Variants in KCNMA1 observed in about 807,000 individuals in gnomAD.
KCNMA1 encodes Calcium-activated potassium channel subunit alpha-1.
Under a neutral mutation model 140.0 loss-of-function variants are expected in KCNMA1, and 29 were observed. That is an observed-to-expected ratio of 0.21 (90% confidence interval 0.15 to 0.28). The LOEUF is 0.28. Among genes scored for constraint, KCNMA1 ranks in the 10% least tolerant of loss-of-function variants. KCNMA1 has a pLI of 1.00. For synonymous variants in KCNMA1, 612 were observed against 611.9 expected (o/e 1.00, Z 0.00); for missense variants, 880 against 1,602.2 (o/e 0.55, Z 7.70).
At chr10:77,545,906 G>A (rs2061368034) in intron 1 of KCNMA1, among the ~76,000 whole-genome samples, 1 of 152,100 alleles carries the variant, frequency 6.6e-6, no homozygotes, top group Non-Finnish European at 1.5e-5. Flanking sequence ...AATCCCCCCT[G>A]CAGTGTCCTT....
At chr10:77,134,729 T>C (rs1289644965) in intron 5 of KCNMA1, among the ~76,000 whole-genome samples, 1 of 152,004 alleles carries the variant, frequency 6.6e-6, no homozygotes, top group East Asian at 1.9e-4. Context: ...CGGGGCGCAG[T>C]GGCTCACGCC....
At chr10:77,229,745 CTATA>C (rs146102707) in intron 3 of KCNMA1, among the ~76,000 whole-genome samples, 1 of 148,258 alleles carries the variant, frequency 6.7e-6, no homozygotes, top group Non-Finnish European at 1.5e-5. Flanking sequence ...GGAGTAGTGG[CTATA>C]TATATATATA....
chr10:77,541,143 A>G (rs1052144274), intron 1 of KCNMA1, among the ~76,000 whole-genome samples: 1 of 152,176 alleles, frequency 6.6e-6, no homozygotes, highest in Admixed American at 6.5e-5. Context: ...AAAGAAACCC[A>G]AAATAAAACA....
At chr10:77,136,519 A>T (rs1319614403) in intron 5 of KCNMA1, among the ~76,000 whole-genome samples, 1 of 152,154 alleles carries the variant, frequency 6.6e-6, no homozygotes, top group Non-Finnish European at 1.5e-5. Flanking sequence ...TACACTAAAA[A>T]TAATTAAAAT....
intron 21 of KCNMA1, 126 bp downstream of exon 21, chr10:76,953,675 C>G: frequency 8.8e-7 from 1 of 1,130,402 alleles, no homozygotes; most frequent in South Asian, 1.3e-5. Context: ...CTCAGAATTT[C>G]ACTCATCAAA....
At chr10:76,994,747 C>A (rs1161685347) in intron 19 of KCNMA1, among the ~76,000 whole-genome samples, 1 of 152,222 alleles carries the variant, frequency 6.6e-6, no homozygotes, top group South Asian at 2.1e-4. Context: ...CTAGGCTTCA[C>A]TGGGAGTCAA....
intron 1 of KCNMA1, among the ~76,000 whole-genome samples, chr10:77,619,324 C>G (rs1033097571): frequency 1.4e-5 from 2 of 146,480 alleles, no homozygotes; most frequent in African/African-American, 5.2e-5. Context: ...GTCTCTCTCT[C>G]TCTCTCTCTC....
At chr10:77,632,922 G>T (rs1479225335) in intron 1 of KCNMA1, among the ~76,000 whole-genome samples, 3 of 152,210 alleles carry the variant, frequency 2.0e-5, no homozygotes, top group Admixed American at 1.3e-4. Flanking sequence ...AGCTCAACAT[G>T]GTTGGCAGTC....
At chr10:76,987,363 A>G (rs189913414) in intron 19 of KCNMA1, among the ~76,000 whole-genome samples, 2 of 152,334 alleles carry the variant, frequency 1.3e-5, no homozygotes, top group Non-Finnish European at 2.9e-5. Flanking sequence ...GCTAGTTAAG[A>G]AGGCTTCACA....
Position 76,877,930 on chromosome 10 carries a change from A to G in KCNMA1, c.3428-40T>C, listed in dbSNP as rs200325938. The G allele has an allele frequency of 7.5e-6, 12 of 1,591,118 alleles. No homozygotes were observed. In the South Asian group the frequency reaches 1.1e-4, roughly 15 times the overall value. On this transcript the variant is annotated intron_variant, in intron 29 of 29. Transcript: ENST00000372403. Reference sequence around the variant, plus strand: ...AATGGATAGAGAACAAGAAGGAGAAATGAGAAGTTTAATTAGTCCTAGGGT... The same window carrying G: ...AATGGATAGAGAACAAGAAGGAGAAGTGAGAAGTTTAATTAGTCCTAGGGT...
chr10:77,320,663 C>A (rs2082093505), intron 2 of KCNMA1, among the ~76,000 whole-genome samples: 1 of 152,096 alleles, frequency 6.6e-6, no homozygotes, highest in African/African-American at 2.4e-5. Flanking sequence ...TTGTTACCTG[C>A]CAGCACCACC....
chr10:77,446,906 TG>T (rs2097539374), intron 1 of KCNMA1, among the ~76,000 whole-genome samples: 2 of 152,244 alleles, frequency 1.3e-5, no homozygotes, highest in African/African-American at 4.8e-5. Flanking sequence ...TTTGCTTAGC[TG>T]GCAAGTTCTT....
intron 1 of KCNMA1, among the ~76,000 whole-genome samples, chr10:77,578,610 C>A (rs2074975218): frequency 6.6e-6 from 1 of 152,210 alleles, no homozygotes; most frequent in Non-Finnish European, 1.5e-5. Context: ...CCTCTCACCA[C>A]CTCCTGGAGC....
At chr10:77,219,313 A>G (rs1043798365) in intron 3 of KCNMA1, among the ~76,000 whole-genome samples, 1 of 152,184 alleles carries the variant, frequency 6.6e-6, no homozygotes, top group Non-Finnish European at 1.5e-5. Context: ...ATTTCTTTGA[A>G]GCACTATTAC....
In KCNMA1 at chr10:77,617,758, T is replaced by C. The variant is rs143938390; in HGVS notation, c.378+19507A>G. Among the ~76,000 whole-genome samples, 1,062 of 152,310 alleles carry C rather than the reference T, an allele frequency of 7.0e-3. 14 individuals carry two copies. The highest frequency in any genetic ancestry group is 0.025 in the African/African-American group (1,020 of 41,558). On this transcript the variant is annotated intron_variant, in intron 1 of 27. Transcript: ENST00000286628. ...CATAGGCTGATTTAGAGGATTGAGA[T>C]AATGCATATAAAGTGCTTGACACCA...
chr10:77,279,315 C>G (rs1287110628), intron 2 of KCNMA1, among the ~76,000 whole-genome samples: 3 of 152,172 alleles, frequency 2.0e-5, no homozygotes, highest in Non-Finnish European at 2.9e-5. Context: ...CCAAATGCAG[C>G]TGCTGAAAAC....
chr10:77,359,856 A>T (rs971443450), intron 2 of KCNMA1, among the ~76,000 whole-genome samples: 1 of 152,246 alleles, frequency 6.6e-6, no homozygotes, highest in African/African-American at 2.4e-5. Context: ...CTGTATCCCC[A>T]GCACCTAGAA....
chr10:77,344,638 G>A (rs1468637593), intron 2 of KCNMA1, among the ~76,000 whole-genome samples: 1 of 151,588 alleles, frequency 6.6e-6, no homozygotes, highest in Non-Finnish European at 1.5e-5. Flanking sequence ...TTTTTCAACA[G>A]GATGATCTTT....
chr10:76,971,974 G>GTGTGT (rs1592368861), intron 19 of KCNMA1, among the ~76,000 whole-genome samples: 2 of 148,796 alleles, frequency 1.3e-5, no homozygotes, highest in South Asian at 2.1e-4. Context: ...AGGGTGTGTG[G>GTGTGT]GTGTGTGTGT....
Sources: allele counts gnomAD v4.1 joint callset (sites outside exome capture counted in the v4.1 genomes callset), GRCh38; gene constraint gnomAD v4.1.1; transcripts MANE v1.5; gene names NCBI Gene and HGNC (gene_info 2026-07-23, HGNC 2026-07-21).